Variants in CSMD1 observed in about 807,000 individuals in gnomAD.
The protein encoded by CSMD1 is CUB and sushi domain-containing protein 1.
Under a neutral mutation model 417.5 loss-of-function variants are expected in CSMD1, and 213 were observed. That is an observed-to-expected ratio of 0.51 (90% confidence interval 0.46 to 0.57). CSMD1 has a LOEUF of 0.57. Ranked by LOEUF, CSMD1 falls within the 20% of genes least tolerant of loss-of-function variation. The probability of loss-of-function intolerance (pLI) is 0.00; values close to 1 mark genes in which losing one functional copy is unlikely to be tolerated. For synonymous variants in CSMD1, 2,862 were observed against 1,736.8 expected, an observed-to-expected ratio of 1.65 and a Z score of -16.11; for missense variants, 6,923 against 4,529.7, an observed-to-expected ratio of 1.53 and a Z score of -15.17.
intron 2 of CSMD1, among the ~76,000 whole-genome samples, chr8:4,488,343 T>G (rs1435955277): frequency 6.6e-6 from 1 of 152,114 alleles, no homozygotes; most frequent in Non-Finnish European, 1.5e-5. Flanking sequence ...GATATCCAAG[T>G]GTATTCTGAA....
At chr8:4,412,633 C>G (rs74355780) in intron 3 of CSMD1, among the ~76,000 whole-genome samples, 1 of 152,098 alleles carries the variant, frequency 6.6e-6, no homozygotes, top group African/African-American at 2.4e-5. Flanking sequence ...TCTATTCCAA[C>G]GGAATCAGAA....
chr8:4,838,308 G>A (rs1044569286), intron 1 of CSMD1, among the ~76,000 whole-genome samples: 1 of 152,174 alleles, frequency 6.6e-6, no homozygotes, highest in African/African-American at 2.4e-5. Context: ...GCTAACGTAA[G>A]CGTTCATGGA....
At chr8:3,547,977 T>C (rs771157923) in intron 10 of CSMD1, among the ~76,000 whole-genome samples, 5 of 152,030 alleles carry the variant, frequency 3.3e-5, no homozygotes, top group African/African-American at 4.8e-5. Flanking sequence ...TATTTGGATA[T>C]GGTAAAGAAA....
intron 4 of CSMD1, among the ~76,000 whole-genome samples, chr8:4,019,491 C>T (rs1354797833): frequency 6.6e-6 from 1 of 152,074 alleles, no homozygotes; most frequent in African/African-American, 2.4e-5. Flanking sequence ...TTTACTGGGG[C>T]CCATTGCATG....
intron 5 of CSMD1, among the ~76,000 whole-genome samples, chr8:3,784,647 G>T (rs181025707): frequency 0.013 from 1,977 of 152,234 alleles, 22 homozygotes; most frequent in Non-Finnish European, 0.022. Flanking sequence ...ATAGAAATCT[G>T]TTTGGTTTGG....
intron 11 of CSMD1, among the ~76,000 whole-genome samples, chr8:3,469,509 T>C (rs546374450): frequency 3.9e-5 from 6 of 152,180 alleles, no homozygotes; most frequent in African/African-American, 1.4e-4. Context: ...AACAGTCACA[T>C]AGGGGCTGCT....
intron 10 of CSMD1, among the ~76,000 whole-genome samples, chr8:3,526,173 T>C (rs571417648): frequency 6.6e-6 from 1 of 152,322 alleles, no homozygotes; most frequent in South Asian, 2.1e-4. Context: ...ATGTGGCATA[T>C]ATCATATTTC....
intron 3 of CSMD1, among the ~76,000 whole-genome samples, chr8:4,188,755 A>C (rs992721194): frequency 8.6e-5 from 13 of 151,918 alleles, no homozygotes; most frequent in African/African-American, 3.2e-4. Flanking sequence ...AAAGAAAGAT[A>C]CACAGATTTT....
chr8:3,993,404 G>C lies in CSMD1; in HGVS notation c.818+4499C>G, dbSNP rs183276715. Among the ~76,000 whole-genome samples, 5 of 152,274 alleles carry C rather than the reference G, an allele frequency of 3.3e-5. No individual in the cohort carries two copies. In the South Asian group the frequency reaches 1.0e-3, roughly 32 times the overall value. ...ACACCAAGTCAATTATCAATTAAGT[G>C]ACAAGTTGGGTAAACACTGGAAGCA... On this transcript the variant is annotated intron_variant, in intron 5 of 69. Transcript: ENST00000635120.
At chr8:4,921,292 C>T (rs190451894) in intron 1 of CSMD1, among the ~76,000 whole-genome samples, 3 of 152,202 alleles carry the variant, frequency 2.0e-5, no homozygotes, top group East Asian at 3.9e-4. Context: ...GGGTGCTAAA[C>T]ACATTTCACA....
At chr8:4,808,442 G>A (rs956957429) in intron 1 of CSMD1, among the ~76,000 whole-genome samples, 1 of 152,138 alleles carries the variant, frequency 6.6e-6, no homozygotes, top group African/African-American at 2.4e-5. Context: ...AAAGAATTAA[G>A]CTCTTGTAAC....
rs755184207 is a variant in CSMD1, at chr8:3,412,079, CATAT to C, written c.1562-2478_1562-2475del. On this transcript the variant is annotated intron_variant, in intron 12 of 69. Coordinates refer to ENST00000635120, the MANE Select transcript of CSMD1 (RefSeq NM_033225.6). ...ATACACACGTATATATACATATATA[CATAT>C]ATATACACACGTATATATACATATA... is the stretch of plus-strand genomic sequence containing the variant. Among the ~76,000 whole-genome samples, 14 of 46,806 alleles carry C rather than the reference CATAT, an allele frequency of 3.0e-4. 3 individuals are homozygous for C. Among genetic ancestry groups the C allele is most frequent in the African/African-American group, 1.1e-3 (10 of 8,844 alleles). The allele number at this position is 46,806 out of a possible 152,430, so 30.7% of individuals were successfully genotyped here.
At chr8:4,171,292 G>A (rs1797751465) in intron 3 of CSMD1, among the ~76,000 whole-genome samples, 1 of 151,814 alleles carries the variant, frequency 6.6e-6, no homozygotes. Flanking sequence ...TTTATTGTAA[G>A]CAACCCTACG....
intron 2 of CSMD1, among the ~76,000 whole-genome samples, chr8:4,463,639 G>A (rs762756020): frequency 2.0e-5 from 3 of 152,132 alleles, no homozygotes; most frequent in African/African-American, 4.8e-5. Flanking sequence ...TAAATGGAAA[G>A]AGCTAGTCAC....
intron 50 of CSMD1, among the ~76,000 whole-genome samples, chr8:3,031,159 A>G (rs944001290): frequency 6.6e-6 from 1 of 152,018 alleles, no homozygotes; most frequent in Non-Finnish European, 1.5e-5. Flanking sequence ...AGCCTCATAA[A>G]TTTATAACTC....
chr8:4,005,737 T>G (rs1308638709), intron 4 of CSMD1, among the ~76,000 whole-genome samples: 1 of 152,156 alleles, frequency 6.6e-6, no homozygotes, highest in Non-Finnish European at 1.5e-5. Flanking sequence ...GCTAAATATG[T>G]GGAAGTGAGT....
In CSMD1 at chr8:3,954,502, G is replaced by A. The variant is rs141715365; in HGVS notation, c.818+43401C>T. Among the ~76,000 whole-genome samples the A allele has an allele frequency of 3.4e-3, 513 of 152,298 alleles. 2 individuals are homozygous for A. Among genetic ancestry groups the A allele is most frequent in the African/African-American group, 0.011 (463 of 41,580 alleles). The stretch of plus-strand genomic sequence containing the variant: ...CTGCCTCAGCTTCCTGAGTAGCTGG[G>A]ATTACAGGCACCCACCACCACTCCC... On this transcript the variant is annotated intron_variant, in intron 5 of 69. Coordinates refer to ENST00000635120, the MANE Select transcript of CSMD1 (RefSeq NM_033225.6).
intron 12 of CSMD1, among the ~76,000 whole-genome samples, chr8:3,414,008 G>A (rs571209422): frequency 6.6e-6 from 1 of 151,748 alleles, no homozygotes; most frequent in East Asian, 1.9e-4. Context: ...GAATGGTGGT[G>A]CACGCCTGGA....
intron 3 of CSMD1, among the ~76,000 whole-genome samples, chr8:4,099,529 G>C (rs1399941158): frequency 6.6e-6 from 1 of 151,754 alleles, no homozygotes; most frequent in African/African-American, 2.4e-5. Context: ...GCCATTATGA[G>C]CACCTTTGTG....
Sources: allele counts gnomAD v4.1 joint callset (sites outside exome capture counted in the v4.1 genomes callset), GRCh38; gene constraint gnomAD v4.1.1; transcripts MANE v1.5; gene names NCBI Gene and HGNC (gene_info 2026-07-23, HGNC 2026-07-21).